The following HECTD4 variants were observed in gnomAD, a reference collection of about 807,000 sequenced individuals.
HECTD4 encodes HECT domain E3 ubiquitin protein ligase 4, also known as probable E3 ubiquitin-protein ligase HECTD4.
In HECTD4, 114 loss-of-function variants were observed where a neutral mutation model predicts 471.5. The observed-to-expected ratio is 0.24, with a 90% confidence interval of 0.21 to 0.28. The LOEUF (loss-of-function observed/expected upper bound fraction) is 0.28. Among genes scored for constraint, HECTD4 ranks in the 10% least tolerant of loss-of-function variants. HECTD4 has a pLI of 1.00. For synonymous variants in HECTD4, 2,012 were observed against 2,256.0 expected, an observed-to-expected ratio of 0.89 and a Z score of 3.07; for missense variants, 3,866 against 5,651.5, an observed-to-expected ratio of 0.68 and a Z score of 10.13.
intron 7 of HECTD4, among the ~76,000 whole-genome samples, chr12:112,295,640 CT>C (rs2034991751): frequency 6.9e-6 from 1 of 145,434 alleles, no homozygotes. Flanking sequence ...GTACCTGGCC[CT>C]TTTTTTCTTT....
At chr12:112,293,733 C>T (rs1053135690) in intron 7 of HECTD4, among the ~76,000 whole-genome samples, 1 of 152,170 alleles carries the variant, frequency 6.6e-6, no homozygotes, top group African/African-American at 2.4e-5. Flanking sequence ...ATGCTAACCT[C>T]ACTTGCCTCT....
chr12:112,224,568 A>C (rs2033183022), intron 44 of HECTD4, among the ~76,000 whole-genome samples: 1 of 152,082 alleles, frequency 6.6e-6, no homozygotes, highest in African/African-American at 2.4e-5. Context: ...GCCCGGCCCA[A>C]GGATTCTTCA....
At position 112,220,791 on chromosome 12, in the gene HECTD4, T is replaced by C. The variant is rs565039463; in HGVS notation, c.6971-1302A>G. 8.6e-5 allele frequency among the ~76,000 whole-genome samples: 13 copies of C among 151,652 alleles called. No homozygotes were observed. The South Asian group carries it at 2.7e-3, about 32-fold the overall frequency. ...CAGCCTGGGTGACAGAGTGAGACTC[T>C]GTCTCTAAATAAATAAACAAGAGAT... On this transcript the variant is annotated intron_variant, in intron 44 of 75. Coordinates refer to ENST00000682272, the MANE Select transcript of HECTD4 (RefSeq NM_001388303.1).
In HECTD4 at chr12:112,319,463, G is replaced by T. The variant is rs1389437058; in HGVS notation, c.457C>A (p.Leu153Ile). ...TCTGTTCTACTCTGGGACTGAATAA[G>T]GGGGAAGACCAGCAGGAGCCCCATC... Reference protein sequence around the residue: ...SRMGLLLVFPLIQSQSRTDPS... With the variant: ...SRMGLLLVFPIIQSQSRTDPS... The change falls in exon 2 of 76, where the codon CTT (leucine) becomes ATT (isoleucine). Residue 153 changes from leucine to isoleucine, a missense_variant. Transcript: ENST00000682272. This position sits in a 1 kb window ranked among gnomAD's most constrained non-coding sequence, Gnocchi z 5.3. 23 of 1,526,694 alleles carry T rather than the reference G, an allele frequency of 1.5e-5. No individual in the cohort carries two copies. The highest frequency in any genetic ancestry group is 1.7e-4 in the Middle Eastern group (1 of 5,898). The allele number at this position is 1,526,694 out of a possible 1,614,324, so 94.6% of individuals were successfully genotyped here.
chr12:112,336,722 T>C (rs1177074099), intron 1 of HECTD4, among the ~76,000 whole-genome samples: 1 of 152,114 alleles, frequency 6.6e-6, no homozygotes, highest in Non-Finnish European at 1.5e-5. Flanking sequence ...CAAAGTAATA[T>C]GGGAATAACA....
intron 20 of HECTD4, 69 bp from the exon 21 acceptor site, chr12:112,256,587 T>C (rs2034014496): frequency 8.8e-7 from 1 of 1,141,002 alleles, no homozygotes; most frequent in African/African-American, 1.6e-5. Context: ...AAACATTAAA[T>C]TGCTCTTTAA....
At chr12:112,174,045 T>C (rs374097524) in intron 66 of HECTD4, among the ~76,000 whole-genome samples, 1 of 151,506 alleles carries the variant, frequency 6.6e-6, no homozygotes, top group African/African-American at 2.4e-5. Context: ...TGGCGCAATC[T>C]CAGCTCACCA....
intron 6 of HECTD4, 120 bp downstream of exon 6, chr12:112,308,633 A>T: frequency 1.1e-6 from 1 of 930,256 alleles, no homozygotes; most frequent in Non-Finnish European, 1.5e-6. Context: ...TATAACAATT[A>T]AAAGGATGCC....
intron 66 of HECTD4, among the ~76,000 whole-genome samples, chr12:112,175,178 G>A (rs572925663): frequency 6.6e-6 from 1 of 152,308 alleles, no homozygotes; most frequent in Non-Finnish European, 1.5e-5. Flanking sequence ...GAACAGATAC[G>A]TATGTTGAAG....
intron 7 of HECTD4, among the ~76,000 whole-genome samples, chr12:112,300,320 AAAAG>A (rs1211213024): frequency 2.1e-4 from 32 of 151,874 alleles, no homozygotes; most frequent in South Asian, 4.1e-4. Context: ...AAAAAAAAAA[AAAAG>A]AAAGAAAGAA....
intron 1 of HECTD4, among the ~76,000 whole-genome samples, chr12:112,346,387 T>C (rs762326608): frequency 8.5e-5 from 13 of 152,228 alleles, no homozygotes; most frequent in Admixed American, 3.3e-4. Flanking sequence ...TTTCCTTTTC[T>C]TTCCCTCCCC....
chr12:112,230,066 A>G (rs1371039262), intron 40 of HECTD4, among the ~76,000 whole-genome samples, 186 bp from the exon 41 acceptor site: 2 of 152,214 alleles, frequency 1.3e-5, no homozygotes, highest in African/African-American at 4.8e-5. Context: ...TAACTGGACA[A>G]AATTGGAAAT....
At chr12:112,332,621 T>C (rs1172131694) in intron 1 of HECTD4, among the ~76,000 whole-genome samples, 1 of 151,802 alleles carries the variant, frequency 6.6e-6, no homozygotes, top group Non-Finnish European at 1.5e-5. Flanking sequence ...CCCTGGAATC[T>C]GCATTTAAGC....
chr12:112,164,091 A>G lies in HECTD4; in HGVS notation c.12701+18T>C. On this transcript the variant is annotated intron_variant, in intron 73 of 75. Transcript: ENST00000682272. ...CCGGGCCAGCCCCTGCCAGCCCCTG[A>G]CACGCGCACACACTCACGCCACAAG... 1 of 1,446,122 alleles carries G rather than the reference A, an allele frequency of 6.9e-7. No homozygotes were observed. 89.6% of individuals were successfully genotyped at this position (1,446,122 alleles called of 1,614,324 possible). A position where few individuals can be genotyped will look rare whatever the true frequency, so the allele number is the denominator to read the frequency against.
chr12:112,187,773 C>T (rs1162055153), intron 60 of HECTD4, among the ~76,000 whole-genome samples: 2 of 151,250 alleles, frequency 1.3e-5, no homozygotes, highest in South Asian at 2.1e-4. Context: ...ACCACAGGCG[C>T]CCGCTATCAC....
chr12:112,190,781 C>T lies in HECTD4; in HGVS notation c.9472+5G>A. The T allele has an allele frequency of 6.4e-7, 1 of 1,571,418 alleles. No homozygotes were observed. Among genetic ancestry groups the T allele is most frequent in the Non-Finnish European group, 8.6e-7 (1 of 1,157,734 alleles). On this transcript the variant is annotated splice_donor_5th_base_variant and intron_variant, in intron 60 of 75. Coordinates refer to ENST00000682272, the MANE Select transcript of HECTD4 (RefSeq NM_001388303.1). ...GATTCCGATCCCCAGGGAAGGCAGC[C>T]TCACCTAGCAGCTCCACCACCTGCA...
rs1315948637 is a variant in HECTD4, at chr12:112,319,380, C to T, written c.540G>A (p.Gln180=). 2 of 1,536,016 alleles carry T rather than the reference C, an allele frequency of 1.3e-6. No homozygotes were observed. The highest frequency in any genetic ancestry group is 1.4e-5 in the African/African-American group (1 of 73,042). Residue 180 remains glutamine, a synonymous_variant, in exon 2 of 76, where the codon CAG becomes CAA. Transcript: ENST00000682272. This position sits in a 1 kb window ranked among gnomAD's most constrained non-coding sequence, Gnocchi z 5.3. ...CAGGCTCCTTGGTCAAGCTCAAAGG[C>T]TGGCAGTCACGAAGGCAGTTCAATA... ...EVLLNCLRDC[Q]PLSLTKEPAD...
intron 55 of HECTD4, among the ~76,000 whole-genome samples, chr12:112,196,952 T>C (rs959822222): frequency 1.3e-5 from 2 of 151,564 alleles, no homozygotes; most frequent in Non-Finnish European, 2.9e-5. Context: ...TGTGCCACCA[T>C]GCCTGGCTGA....
intron 1 of HECTD4, among the ~76,000 whole-genome samples, chr12:112,368,231 C>G (rs1355069277): frequency 6.6e-6 from 1 of 152,178 alleles, no homozygotes; most frequent in Non-Finnish European, 1.5e-5. Context: ...AGTGTCCCAT[C>G]ATGGAACATT....
Sources: allele counts gnomAD v4.1 joint callset (sites outside exome capture counted in the v4.1 genomes callset), GRCh38; gene constraint gnomAD v4.1.1; non-coding constraint Gnocchi (gnomAD v3.1); transcripts MANE v1.5; gene names NCBI Gene and HGNC (gene_info 2026-07-23, HGNC 2026-07-21).